PARD3B: variants seen among roughly 807,000 people sequenced by gnomAD.
PARD3B encodes par-3 family cell polarity regulator beta.
PARD3B carries 103 observed loss-of-function variants against 130.2 expected under a neutral mutation model. That is an observed-to-expected ratio of 0.79 (90% CI 0.67 to 0.93). The LOEUF (loss-of-function observed/expected upper bound fraction) is 0.93. Among genes scored for constraint, PARD3B ranks in the 40% least tolerant of loss-of-function variants. The pLI, the probability that PARD3B is intolerant of heterozygous loss-of-function variation, is 0.00. For synonymous variants in PARD3B, 583 were observed against 553.2 expected (o/e 1.05, Z -0.76); for missense variants, 1,609 against 1,499.2 (o/e 1.07, Z -1.21).
intron 15 of PARD3B, among the ~76,000 whole-genome samples, chr2:205,211,816 C>T (rs1159524161): frequency 6.6e-6 from 1 of 152,118 alleles, no homozygotes; most frequent in African/African-American, 2.4e-5. Flanking sequence ...CAGGAACTAA[C>T]TGGCATAATC....
intron 2 of PARD3B, among the ~76,000 whole-genome samples, chr2:204,796,790 T>C (rs1238205283): frequency 3.9e-5 from 6 of 152,228 alleles, no homozygotes; most frequent in Admixed American, 2.0e-4. Flanking sequence ...TGCTCTTGTG[T>C]ATTCGAATCC....
chr2:204,771,846 G>T (rs1025355462), intron 2 of PARD3B, among the ~76,000 whole-genome samples: 2 of 151,980 alleles, frequency 1.3e-5, no homozygotes, highest in African/African-American at 4.8e-5. Context: ...TTTAGAGGGA[G>T]ACTTTAAAAA....
At chr2:205,127,739 A>G (rs748199155) in intron 10 of PARD3B, among the ~76,000 whole-genome samples, 6 of 152,206 alleles carry the variant, frequency 3.9e-5, no homozygotes, top group Non-Finnish European at 5.9e-5. Flanking sequence ...TAAGAAAAAA[A>G]GAGTGATCTG....
intron 4 of PARD3B, among the ~76,000 whole-genome samples, chr2:205,083,494 A>G (rs1375716006): frequency 6.6e-5 from 10 of 152,064 alleles, no homozygotes; most frequent in African/African-American, 2.2e-4. Context: ...AAAAACCTAA[A>G]CATCTTCCTG....
intron 3 of PARD3B, among the ~76,000 whole-genome samples, chr2:205,023,955 C>G (rs909533844): frequency 1.3e-5 from 2 of 151,982 alleles, no homozygotes; most frequent in Admixed American, 6.6e-5. Flanking sequence ...CTACCATATA[C>G]TAGGTGTGTG....
intron 2 of PARD3B, among the ~76,000 whole-genome samples, chr2:204,899,451 T>G (rs994478065): frequency 2.0e-5 from 3 of 152,112 alleles, no homozygotes; most frequent in Admixed American, 6.5e-5. Flanking sequence ...TATTTTAAAC[T>G]GATGACAGCT....
intron 19 of PARD3B, among the ~76,000 whole-genome samples, chr2:205,429,855 T>G (rs1452319027): frequency 1.3e-5 from 2 of 152,198 alleles, no homozygotes; most frequent in African/African-American, 4.8e-5. Context: ...CCAGAGGCTT[T>G]GAGAGAGAAT....
At chr2:205,002,201 T>C (rs188568995) in intron 3 of PARD3B, among the ~76,000 whole-genome samples, 1 of 152,266 alleles carries the variant, frequency 6.6e-6, no homozygotes, top group Admixed American at 6.5e-5. Context: ...AAGCAAGTCA[T>C]AAATAAGTTT....
At chr2:205,068,803 A>T (rs1253384073) in intron 4 of PARD3B, among the ~76,000 whole-genome samples, 1 of 152,072 alleles carries the variant, frequency 6.6e-6, no homozygotes, top group Non-Finnish European at 1.5e-5. Context: ...ATTATTTAGT[A>T]GTATATTTTA....
intron 18 of PARD3B, among the ~76,000 whole-genome samples, chr2:205,389,449 G>A (rs535259894): frequency 1.3e-5 from 2 of 152,192 alleles, no homozygotes; most frequent in African/African-American, 4.8e-5. Context: ...TGCAACCTCC[G>A]CCTCCCAGGT....
rs2053585457 is a variant in PARD3B, at chr2:205,572,275, T to G, written c.3260+18872T>G. ...GTCAAGTAGAATAAGTGCTAAAATT[T>G]TATATGCATAAATGGAATTTGAAGA... On this transcript the variant is annotated intron_variant, in intron 22 of 22. Transcript: ENST00000406610. This position sits in a 1 kb window ranked among gnomAD's most constrained non-coding sequence, Gnocchi z 4.2. 6.6e-6 allele frequency among the ~76,000 whole-genome samples: 1 copy of G among 152,210 alleles called. No individual in the cohort carries two copies. The highest frequency in any genetic ancestry group is 2.4e-5 in the African/African-American group (1 of 41,448).
At chr2:205,053,168 T>C (rs1699351346) in intron 4 of PARD3B, among the ~76,000 whole-genome samples, 3 of 152,184 alleles carry the variant, frequency 2.0e-5, no homozygotes, top group Admixed American at 2.0e-4. Flanking sequence ...TTTCCCATGT[T>C]TGTCACATAT....
intron 18 of PARD3B, among the ~76,000 whole-genome samples, chr2:205,384,159 G>C (rs1180540359): frequency 6.6e-6 from 1 of 152,108 alleles, no homozygotes; most frequent in Non-Finnish European, 1.5e-5. Flanking sequence ...AAGTTTGACA[G>C]AGAGAGAATG....
At chr2:204,912,573 G>A (rs985780839) in intron 2 of PARD3B, among the ~76,000 whole-genome samples, 1 of 152,158 alleles carries the variant, frequency 6.6e-6, no homozygotes, top group African/African-American at 2.4e-5. Flanking sequence ...TGCATTTCAA[G>A]CAGATTTCTT....
chr2:205,500,168 C>A, intron 21 of PARD3B, 137 bp downstream of exon 21: 2 of 988,694 alleles, frequency 2.0e-6, no homozygotes, highest in African/African-American at 1.6e-5. Flanking sequence ...GAACATTACC[C>A]AAACCACAGG....
chr2:205,446,357 A>T lies in PARD3B; in HGVS notation c.3044+5685A>T, dbSNP rs1481080211. Among the ~76,000 whole-genome samples, 1 of 152,300 alleles carries T rather than the reference A, an allele frequency of 6.6e-6. No individual in the cohort carries two copies. The highest frequency in any genetic ancestry group is 1.9e-4 in the East Asian group (1 of 5,184). ...AACGTGAGATATAATCCTGGAATTC[A>T]ATAGGCTGTTTAATAGCATAGGCGG... On this transcript the variant is annotated intron_variant, in intron 20 of 22. Coordinates refer to ENST00000406610, the MANE Select transcript of PARD3B (RefSeq NM_001302769.2). This position sits in a 1 kb window ranked among gnomAD's most constrained non-coding sequence, Gnocchi z 4.4.
chr2:205,573,356 A>G (rs900333621), intron 22 of PARD3B, among the ~76,000 whole-genome samples: 2 of 152,128 alleles, frequency 1.3e-5, no homozygotes, highest in Non-Finnish European at 2.9e-5. Flanking sequence ...GGCTGGAACA[A>G]CTGGGTGGCT....
chr2:204,841,147 T>C (rs562353277), intron 2 of PARD3B, among the ~76,000 whole-genome samples: 38 of 152,286 alleles, frequency 2.5e-4, no homozygotes, highest in Non-Finnish European at 3.2e-4. Flanking sequence ...AATATTTAGT[T>C]TTCTGCTTGC....
At position 205,024,399 on chromosome 2, in the gene PARD3B, C is replaced by T. The variant is rs116640040; in HGVS notation, c.395-23182C>T. On this transcript the variant is annotated intron_variant, in intron 3 of 22. Transcript: ENST00000406610. ...GGGCAAGCTGGTCTCGAACTCCACA[C>T]CTCAGGTGATCCACATGCCCCAGCC... is the stretch of plus-strand genomic sequence containing the variant. 8.1e-3 allele frequency among the ~76,000 whole-genome samples: 1,226 copies of T among 152,124 alleles called. 11 individuals are homozygous for T. The highest frequency in any genetic ancestry group is 0.028 in the African/African-American group (1,161 of 41,504).
Sources: allele counts gnomAD v4.1 joint callset (sites outside exome capture counted in the v4.1 genomes callset), GRCh38; gene constraint gnomAD v4.1.1; non-coding constraint Gnocchi (gnomAD v3.1); transcripts MANE v1.5; gene names NCBI Gene and HGNC (gene_info 2026-07-23, HGNC 2026-07-21).